Variants in GSE1 observed in about 807,000 individuals in gnomAD.
The protein encoded by GSE1 is Gse1 coiled-coil protein, also known as genetic suppressor element 1.
A neutral mutation model predicts 112.6 loss-of-function variants in GSE1; 32 were observed. The ratio of observed to expected loss-of-function variants is 0.28; its 90% confidence interval spans 0.21 to 0.38. GSE1 has a LOEUF of 0.38. Ranked by LOEUF, GSE1 falls within the 10% of genes least tolerant of loss-of-function variation. The pLI is 1.00. For missense variants in GSE1, 2,348 were observed against 1,699.2 expected, an observed-to-expected ratio of 1.38 and a Z score of -6.71; for synonymous variants, 1,115 against 735.6, an observed-to-expected ratio of 1.52 and a Z score of -8.35.
intron 1 of GSE1, among the ~76,000 whole-genome samples, chr16:85,298,317 C>A (rs114270158): frequency 1.3e-5 from 2 of 152,190 alleles, no homozygotes; most frequent in Admixed American, 1.3e-4. Context: ...CAAGAAGAAG[C>A]GCTTTATCTC....
At chr16:85,184,049 C>T (rs1001159380) in intron 1 of GSE1, among the ~76,000 whole-genome samples, 2 of 152,178 alleles carry the variant, frequency 1.3e-5, no homozygotes, top group Non-Finnish European at 2.9e-5. Flanking sequence ...TGAATCCTTC[C>T]AGGGATGGCG....
At chr16:85,196,445 C>T (rs965338863) in intron 1 of GSE1, among the ~76,000 whole-genome samples, 16 of 152,240 alleles carry the variant, frequency 1.1e-4, no homozygotes, top group Non-Finnish European at 1.6e-4. Context: ...GTGTGCACTC[C>T]TGCGTCTTGG....
Position 85,655,928 on chromosome 16 carries a change from C to T in GSE1, c.989+11C>T, listed in dbSNP as rs367746550. ...CCTCAGCGCGGAGAGGTAAGTGCGT[C>T]TCGAGCCGAGGAGCCCCTCTGCCCT... On this transcript the variant is annotated intron_variant, in intron 6 of 15. Coordinates refer to ENST00000253458, the MANE Select transcript of GSE1 (RefSeq NM_014615.5). 975 of 1,592,308 alleles carry T rather than the reference C, an allele frequency of 6.1e-4. 3 individuals are homozygous for T. The highest frequency in any genetic ancestry group is 1.2e-3 in the Middle Eastern group (7 of 5,970).
intron 2 of GSE1, among the ~76,000 whole-genome samples, chr16:85,533,137 G>T (rs1465199446): frequency 6.6e-6 from 1 of 152,166 alleles, no homozygotes; most frequent in African/African-American, 2.4e-5. Context: ...GTTTGGCCGG[G>T]CGTGGTGGCT....
At chr16:85,577,574 C>T (rs896179500) in intron 1 of GSE1, among the ~76,000 whole-genome samples, 14 of 152,148 alleles carry the variant, frequency 9.2e-5, no homozygotes, top group African/African-American at 2.9e-4. Flanking sequence ...GGCAGCGCTG[C>T]GATTATCCCC....
In GSE1 at chr16:85,633,942, G is replaced by A. The variant is rs762079929; in HGVS notation, c.36G>A (p.Ser12=). The A allele has an allele frequency of 2.5e-6, 4 of 1,612,120 alleles. No individual in the cohort carries two copies. Among genetic ancestry groups the A allele is most frequent in the Admixed American group, 1.7e-5 (1 of 59,844 alleles). The change falls in exon 2 of 16, where the codon TCG becomes TCA. Residue 12 remains serine, a synonymous_variant. Coordinates refer to ENST00000253458, the MANE Select transcript of GSE1 (RefSeq NM_014615.5). ...KGMSHEPKSP[S]LGMLSTATRT... ...TGAGCCATGAGCCCAAGTCCCCTTC[G>A]CTAGGGATGCTTTCCACCGCGACCA...
intron 2 of GSE1, among the ~76,000 whole-genome samples, chr16:85,492,372 G>A (rs1023484406): frequency 3.3e-5 from 5 of 151,944 alleles, no homozygotes; most frequent in African/African-American, 9.7e-5. Flanking sequence ...CTCTCAAATC[G>A]AATCCCCTCC....
intron 2 of GSE1, among the ~76,000 whole-genome samples, chr16:85,407,786 T>C (rs79147101): frequency 3.1e-4 from 1 of 3,178 alleles, no homozygotes. Context: ...TAATCCTCAC[T>C]GTTACACTCA....
intron 2 of GSE1, among the ~76,000 whole-genome samples, chr16:85,498,878 G>T (rs940674586): frequency 6.6e-6 from 1 of 152,256 alleles, no homozygotes; most frequent in Non-Finnish European, 1.5e-5. Flanking sequence ...GGCCATTGTG[G>T]TTAGAGCAAC....
chr16:85,201,742 A>G (rs2143560500), intron 1 of GSE1, among the ~76,000 whole-genome samples: 1 of 152,064 alleles, frequency 6.6e-6, no homozygotes, highest in East Asian at 1.9e-4. Flanking sequence ...GCCGTGCCCC[A>G]CAGTTCCAGA....
chr16:85,435,659 A>G (rs1379493743), intron 2 of GSE1, among the ~76,000 whole-genome samples: 2 of 152,080 alleles, frequency 1.3e-5, no homozygotes, highest in Non-Finnish European at 2.9e-5. Context: ...CTGAGAGGGA[A>G]GGGGAGAGGG....
rs535121699 is a variant in GSE1 at position 85,494,997 on chromosome 16, G to A, written c.2464+137354G>A. Among the ~76,000 whole-genome samples the A allele has an allele frequency of 2.5e-3, 341 of 133,930 alleles. 1 individual carries two copies. Among genetic ancestry groups the A allele is most frequent in the African/African-American group, 7.8e-3 (317 of 40,500 alleles). The allele number at this position is 133,930 out of a possible 152,430, so 87.9% of individuals were successfully genotyped here. A position where few individuals can be genotyped will look rare whatever the true frequency, so the allele number is the denominator to read the frequency against. On this transcript the variant is annotated intron_variant, in intron 2 of 2. Transcript: ENST00000637419. ...GAGAGGTCAACCACTGGGCACAGGG[G>A]CAGAGCCCTGCTGGGTCCGGCCCGG...
intron 2 of GSE1, among the ~76,000 whole-genome samples, chr16:85,510,420 C>CTGTGTGTGTGTGTGTCTGTGTG (rs1555524678): frequency 6.7e-6 from 1 of 148,778 alleles, no homozygotes; most frequent in Non-Finnish European, 1.5e-5. Flanking sequence ...GTGTGTGTGT[C>CTGTGTGTGTGTGTGTCTGTGTG]TGTGTGTGTG....
At chr16:85,629,118 T>C (rs1430885722) in intron 1 of GSE1, among the ~76,000 whole-genome samples, 1 of 152,198 alleles carries the variant, frequency 6.6e-6, no homozygotes, top group African/African-American at 2.4e-5. Context: ...CCTTCCGCCA[T>C]GATTAGAAGC....
intron 2 of GSE1, among the ~76,000 whole-genome samples, chr16:85,442,819 C>T (rs930941464): frequency 2.0e-5 from 3 of 152,194 alleles, no homozygotes; most frequent in Admixed American, 6.5e-5. Context: ...GCATCTCTCA[C>T]GGTTCCAGAG....
At chr16:85,641,201 C>G (rs924824224) in intron 2 of GSE1, among the ~76,000 whole-genome samples, 1 of 152,272 alleles carries the variant, frequency 6.6e-6, no homozygotes, top group Non-Finnish European at 1.5e-5. Context: ...AACGTCCCAC[C>G]TCCCTCAGGG....
rs889599611 is a variant in GSE1, at chr16:85,193,896, A to T, written c.2283+22089A>T. On this transcript the variant is annotated intron_variant, in intron 1 of 2. Transcript: ENST00000637419. ...GTAACTATAGTACAATGCCACAGTC[A>T]GGGCACTGACGTCGACAGTCCATAG... 2.0e-5 allele frequency among the ~76,000 whole-genome samples: 3 copies of T among 152,226 alleles called. No homozygotes were observed. In the South Asian group the frequency reaches 6.2e-4, roughly 32 times the overall value.
intron 13 of GSE1, among the ~76,000 whole-genome samples, chr16:85,667,571 G>C (rs902951820): frequency 2.0e-5 from 3 of 152,240 alleles, no homozygotes; most frequent in African/African-American, 7.2e-5. Context: ...CAAAGAGATG[G>C]AGGCAGCCGG....
At chr16:85,429,583 G>A (rs897695286) in intron 2 of GSE1, among the ~76,000 whole-genome samples, 1 of 152,174 alleles carries the variant, frequency 6.6e-6, no homozygotes, top group Non-Finnish European at 1.5e-5. Flanking sequence ...CTCAAAGCCT[G>A]GTGTGATCTG....
Sources: allele counts gnomAD v4.1 joint callset (sites outside exome capture counted in the v4.1 genomes callset), GRCh38; gene constraint gnomAD v4.1.1; transcripts MANE v1.5; gene names NCBI Gene and HGNC (gene_info 2026-07-23, HGNC 2026-07-21).